The following MYPN variants were observed in gnomAD, a reference collection of about 807,000 sequenced individuals.
MYPN encodes sarcomeric protein myopalladin, 145 kDa (MYOP).
In MYPN, 63 loss-of-function variants were observed where a neutral mutation model predicts 129.4. The observed-to-expected ratio is 0.49, with a 90% CI of 0.40 to 0.60. The LOEUF (loss-of-function observed/expected upper bound fraction) is 0.60, where lower values mean the gene tolerates loss of function less well. MYPN is among the 20% of genes least tolerant of loss of function. The pLI, the probability that MYPN is intolerant of heterozygous loss-of-function variation, is 0.00. For synonymous variants in MYPN, 629 were observed against 600.9 expected (o/e 1.05, Z -0.68); for missense variants, 1,596 against 1,635.4 (o/e 0.98, Z 0.42).
rs1259417221 is a variant in MYPN at position 68,210,663 on chromosome 10, C to T, written c.*208C>T. 1 of 677,770 alleles carries T rather than the reference C, an allele frequency of 1.5e-6. No individual in the cohort carries two copies. The highest frequency in any genetic ancestry group is 2.0e-5 in the Admixed American group (1 of 48,984). 42.0% of individuals were successfully genotyped at this position (677,770 alleles called of 1,614,324 possible). A position where few individuals can be genotyped will look rare whatever the true frequency, so the allele number is the denominator to read the frequency against. Reference sequence around the variant, plus strand: ...GGGCTGTGCCTTCTAAAGATTCCAACAGAGATGTGAGAAGATAATACAGAT... The same window carrying T: ...GGGCTGTGCCTTCTAAAGATTCCAATAGAGATGTGAGAAGATAATACAGAT... On this transcript the variant is annotated 3_prime_UTR_variant, in exon 20 of 20. Transcript: ENST00000358913.
chr10:68,151,460 G>A (rs1348207440), intron 6 of MYPN, among the ~76,000 whole-genome samples: 3 of 152,190 alleles, frequency 2.0e-5, no homozygotes, highest in Admixed American at 1.3e-4. Context: ...GTGATTTGGT[G>A]GATACAAGAC....
Position 68,174,084 on chromosome 10 carries a change from A to G in MYPN, c.1992A>G (p.Gln664=). The G allele has an allele frequency of 6.2e-7, 1 of 1,613,868 alleles. No homozygotes were observed. The highest frequency in any genetic ancestry group is 8.5e-7 in the Non-Finnish European group (1 of 1,179,804). The part of the protein sequence containing the change: ...AKPKLDSTQL[Q]QLHNQVLLEQ... ...TGTACAGTGATTCCACTCAGTTACAACAGCTTCATAACCAAGTCTTACTGG... is the reference window on the plus strand; with the variant it reads ...TGTACAGTGATTCCACTCAGTTACAGCAGCTTCATAACCAAGTCTTACTGG... Residue 664 remains glutamine, a synonymous_variant, in exon 11 of 20, where the codon CAA becomes CAG. Coordinates refer to ENST00000358913, the MANE Select transcript of MYPN (RefSeq NM_032578.4).
intron 6 of MYPN, among the ~76,000 whole-genome samples, chr10:68,157,859 C>CAAAAA (rs1554844008): frequency 8.2e-4 from 119 of 144,606 alleles, no homozygotes; most frequent in African/African-American, 2.3e-3. Context: ...AACAAACAAA[C>CAAAAA]AAAAAAAAAC....
chr10:68,179,164 A>G (rs1185528528), intron 12 of MYPN, among the ~76,000 whole-genome samples: 1 of 152,008 alleles, frequency 6.6e-6, no homozygotes, highest in Admixed American at 6.6e-5. Context: ...CTTACCATGA[A>G]TTCTTTATGA....
chr10:68,102,338 AG>A (rs1233030170), upstream of MYPN, among the ~76,000 whole-genome samples: 5 of 152,162 alleles, frequency 3.3e-5, no homozygotes, highest in East Asian at 9.7e-4. Context: ...CATGTTGCCC[AG>A]GCTGGTCTCA....
Position 68,199,439 on chromosome 10 carries a change from C to T in MYPN, c.3357C>T (p.His1119=), listed in dbSNP as rs766405779. Residue 1119 remains histidine (H), a synonymous_variant, in exon 17 of 20, where the codon CAC becomes CAT. Coordinates refer to ENST00000358913, the MANE Select transcript of MYPN (RefSeq NM_032578.4). The stretch of plus-strand genomic sequence containing the variant: ...AACCTGTGCTACCAGATGCCTCCCA[C>T]AAGATGCTGGTCAGGGAGACCGGAG... The part of the protein sequence containing the change: ...NGQPVLPDAS[H]KMLVRETGVH... 8.7e-6 allele frequency: 14 copies of T among 1,614,182 alleles called. No homozygotes were observed. The Admixed American group carries it at 2.3e-4, about 27-fold the overall frequency.
chr10:68,180,017 G>T (rs2043289465), intron 12 of MYPN, among the ~76,000 whole-genome samples: 1 of 152,184 alleles, frequency 6.6e-6, no homozygotes, highest in Non-Finnish European at 1.5e-5. Flanking sequence ...GCTCCTTGAA[G>T]GTAGAGTCTG....
At chr10:68,196,416 G>A (rs1432903311) in intron 15 of MYPN, among the ~76,000 whole-genome samples, 1 of 150,986 alleles carries the variant, frequency 6.6e-6, no homozygotes, top group African/African-American at 2.4e-5. Context: ...CTTACCAAAG[G>A]AACAAAAATA....
In MYPN at chr10:68,211,788, C is replaced by T. The variant is rs1429017743; in HGVS notation, c.*1333C>T. The T allele has an allele frequency of 2.2e-6, 1 of 454,056 alleles. No individual in the cohort carries two copies. Among genetic ancestry groups the T allele is most frequent in the Admixed American group, 2.3e-5 (1 of 42,568 alleles). 28.1% of individuals were successfully genotyped at this position (454,056 alleles called of 1,614,324 possible). ...ACCCACACACCAGTCCAAACACTGCCCTGGGAATGCTCATCACAGCACAGT... is the reference window on the plus strand; with the variant it reads ...ACCCACACACCAGTCCAAACACTGCTCTGGGAATGCTCATCACAGCACAGT... On this transcript the variant is annotated 3_prime_UTR_variant, in exon 20 of 20. Coordinates refer to ENST00000358913, the MANE Select transcript of MYPN (RefSeq NM_032578.4).
intron 10 of MYPN, among the ~76,000 whole-genome samples, chr10:68,170,114 G>A (rs1047231382): frequency 2.6e-5 from 4 of 152,142 alleles, no homozygotes; most frequent in Non-Finnish European, 5.9e-5. Context: ...ATCTGCTTCT[G>A]CCTCTTTGGC....
chr10:68,106,156 T>A (rs1358553453), upstream of MYPN: 3 of 454,082 alleles, frequency 6.6e-6, no homozygotes, highest in Non-Finnish European at 8.8e-6. Flanking sequence ...GGTTGATTGA[T>A]ATAGGAATGG....
chr10:68,143,078 T>C lies in MYPN; in HGVS notation c.1041T>C (p.Tyr347=). 1 of 1,614,114 alleles carries C rather than the reference T, an allele frequency of 6.2e-7. No individual in the cohort carries two copies. The part of the protein sequence containing the change: ...GRYSCFASNI[Y]GTDSTSAEIY... ...ATTCCTGCTTTGCTTCTAACATCTA[T>C]GGGACAGATTCGACTTCTGCTGAGA... Residue 347 remains tyrosine, a synonymous_variant, in exon 3 of 20, where the codon TAT becomes TAC. Transcript: ENST00000358913.
In MYPN at chr10:68,206,807, A is replaced by T. The variant is rs587782969; in HGVS notation, c.3697A>T (p.Ile1233Phe). 4.3e-6 allele frequency: 7 copies of T among 1,614,052 alleles called. No individual in the cohort carries two copies. ...CACAACAGGGTATGCCTGCCTTCTC[A>T]TTCAGCCAGCCAAGAAATCAGACGC... ...QDTTGYACLLIQPAKKSDAGW... is the reference protein window; with the variant it reads ...QDTTGYACLLFQPAKKSDAGW... Residue 1233 changes from isoleucine (I) to phenylalanine (F), a missense_variant, in exon 19 of 20, where the codon ATT becomes TTT. Physicochemically the swap from Ile to Phe is conservative, Grantham distance 21. Coordinates refer to ENST00000358913, the MANE Select transcript of MYPN (RefSeq NM_032578.4).
intron 16 of MYPN, 125 bp downstream of exon 16, chr10:68,197,603 C>A: frequency 1.7e-6 from 2 of 1,183,970 alleles, no homozygotes; most frequent in Non-Finnish European, 2.4e-6. Context: ...GGAAGGGAGA[C>A]AGATCACTTT....
At chr10:68,183,442 G>A (rs10762193) in intron 12 of MYPN, among the ~76,000 whole-genome samples, 149,193 of 152,192 alleles carry the variant, frequency 0.98, 73,193 homozygotes, top group Middle Eastern at 1. Context: ...AGCCTGGGCA[G>A]TAGAGCCAGA....
chr10:68,165,312 C>T (rs1359122197), intron 8 of MYPN, among the ~76,000 whole-genome samples: 2 of 152,174 alleles, frequency 1.3e-5, no homozygotes, highest in Non-Finnish European at 2.9e-5. Context: ...ATTAGCCGGG[C>T]TTGGTGGCAC....
In MYPN at chr10:68,131,115, G is replaced by T. The variant is rs1322541127; in HGVS notation, c.902+8775G>T. Among the ~76,000 whole-genome samples the T allele has an allele frequency of 2.6e-5, 4 of 152,148 alleles. No homozygotes were observed. The East Asian group carries it at 7.7e-4, about 29-fold the overall frequency. ...CCAAGTTTTAAAATCTAGGCCGGGT[G>T]TGGGGGCTCACGCCTGTAATCCCAG... On this transcript the variant is annotated intron_variant, in intron 2 of 19. Coordinates refer to ENST00000358913, the MANE Select transcript of MYPN (RefSeq NM_032578.4).
chr10:68,107,957 C>T (rs1392083404), upstream of MYPN, among the ~76,000 whole-genome samples: 2 of 152,124 alleles, frequency 1.3e-5, no homozygotes, highest in Non-Finnish European at 1.5e-5. Flanking sequence ...TTGATTACGG[C>T]TTAAGATCTG....
At chr10:68,116,916 C>T (rs1342587519) in intron 1 of MYPN, among the ~76,000 whole-genome samples, 1 of 151,846 alleles carries the variant, frequency 6.6e-6, no homozygotes, top group Non-Finnish European at 1.5e-5. Flanking sequence ...CTATTTTATC[C>T]TACAATCAAA....
Sources: allele counts gnomAD v4.1 joint callset (sites outside exome capture counted in the v4.1 genomes callset), GRCh38; gene constraint gnomAD v4.1.1; transcripts MANE v1.5; gene names NCBI Gene and HGNC (gene_info 2026-07-23, HGNC 2026-07-21).